Variants in ZNF451 observed in about 807,000 individuals in gnomAD.
ZNF451 encodes zinc finger protein 451.
ZNF451 carries 80 observed loss-of-function variants against 107.1 expected under a neutral mutation model. That is an observed-to-expected ratio of 0.75 (90% CI 0.62 to 0.90). ZNF451 has a LOEUF of 0.90. Among genes scored for constraint, ZNF451 ranks in the 40% least tolerant of loss-of-function variants. The pLI is 0.00. For missense variants in ZNF451, 1,107 were observed against 1,236.2 expected, an observed-to-expected ratio of 0.90 and a Z score of 1.57; for synonymous variants, 362 against 406.5, an observed-to-expected ratio of 0.89 and a Z score of 1.32.
At position 57,154,099 on chromosome 6, in the gene ZNF451, G is replaced by T. The variant is rs778131505; in HGVS notation, c.3070+52G>T. The T allele has an allele frequency of 1.4e-5, 22 of 1,590,426 alleles. No individual in the cohort carries two copies. The Admixed American group carries it at 2.0e-4, about 15-fold the overall frequency. The stretch of plus-strand genomic sequence containing the variant: ...CCACCCAAGAGGAGGAGACTTCACT[G>T]CTGAGAGAAACCAATAAACTGCTGT... On this transcript the variant is annotated intron_variant, in intron 13 of 14. Coordinates refer to ENST00000370706, the MANE Select transcript of ZNF451 (RefSeq NM_001031623.3).
At chr6:57,144,301 T>C (rs1308159409) in intron 9 of ZNF451, among the ~76,000 whole-genome samples, 2 of 145,738 alleles carry the variant, frequency 1.4e-5, no homozygotes, top group Non-Finnish European at 3.0e-5. Flanking sequence ...AGTGCAATGG[T>C]GCAATCTCGG....
intron 3 of ZNF451, 84 bp downstream of exon 3, chr6:57,099,225 G>A: frequency 1.8e-6 from 2 of 1,132,394 alleles, no homozygotes; most frequent in Non-Finnish European, 1.3e-6. Context: ...AATCAGGGAA[G>A]GCTGTGTTTA....
chr6:57,154,418 T>C, intron 13 of ZNF451: 2 of 361,454 alleles, frequency 5.5e-6, no homozygotes, highest in Non-Finnish European at 9.9e-6. Flanking sequence ...AGCAGTGCGC[T>C]TAGAGGTGAA....
In ZNF451 at chr6:57,141,947, G is replaced by C; in HGVS notation, c.857-1G>C. On this transcript the variant is annotated splice_acceptor_variant, in intron 8 of 14. Transcript: ENST00000370706. LOFTEE classifies it high-confidence loss of function. ...AAATTATAGTTTATTTTGTCTTTCAGATAACAAAGGAATTGCACATCCAAT... is the reference window on the plus strand; with the variant it reads ...AAATTATAGTTTATTTTGTCTTTCACATAACAAAGGAATTGCACATCCAAT... The C allele has an allele frequency of 6.2e-7, 1 of 1,612,020 alleles. No homozygotes were observed. Among genetic ancestry groups the C allele is most frequent in the Non-Finnish European group, 8.5e-7 (1 of 1,178,612 alleles).
intron 6 of ZNF451, among the ~76,000 whole-genome samples, chr6:57,133,787 A>G (rs906511600): frequency 3.3e-5 from 5 of 151,904 alleles, no homozygotes; most frequent in African/African-American, 7.3e-5. Flanking sequence ...CCATCCTCCC[A>G]TCTCAGCCTC....
intron 3 of ZNF451, chr6:57,102,755 A>G (rs1829666715): frequency 6.1e-6 from 6 of 985,470 alleles, no homozygotes; most frequent in African/African-American, 5.2e-5. Context: ...TAGATGTCGC[A>G]GGTCTATTAT....
intron 3 of ZNF451, among the ~76,000 whole-genome samples, chr6:57,111,411 C>T (rs1311050409): frequency 3.3e-5 from 5 of 150,174 alleles, no homozygotes; most frequent in African/African-American, 9.8e-5. Flanking sequence ...GACGGAGTCT[C>T]ACTCTGTCGC....
At chr6:57,107,793 G>A (rs1829935111) in intron 3 of ZNF451, 1 of 979,746 alleles carries the variant, frequency 1.0e-6, no homozygotes, top group Non-Finnish European at 1.2e-6. Context: ...GTATTCCTGA[G>A]TATATTCCTT....
At chr6:57,124,951 T>A (rs1255474669) in intron 4 of ZNF451, 92 bp downstream of exon 4, 3 of 860,896 alleles carry the variant, frequency 3.5e-6, no homozygotes, top group South Asian at 3.6e-5. Context: ...AGATATGATT[T>A]AATCAAAGCT....
intron 7 of ZNF451, among the ~76,000 whole-genome samples, chr6:57,140,500 G>A (rs1831698928): frequency 6.6e-6 from 1 of 152,098 alleles, no homozygotes; most frequent in South Asian, 2.1e-4. Context: ...AATTGGTAGA[G>A]CCTTTTTGAA....
intron 13 of ZNF451, chr6:57,158,442 C>G (rs190452297): frequency 2.2e-6 from 2 of 894,344 alleles, no homozygotes; most frequent in Admixed American, 1.2e-4. Context: ...CTGAATATAG[C>G]CAAGGAAAGC....
rs765144667 is a variant in ZNF451, at chr6:57,090,296, C to T, written c.21+22C>T. ...GGAGGTGAGTAGTCGAGTGAGGGTC[C>T]TGGCGTTCTCAGAGGCGAACCGCGA... On this transcript the variant is annotated intron_variant, in intron 1 of 14. Coordinates refer to ENST00000370706, the MANE Select transcript of ZNF451 (RefSeq NM_001031623.3). 1.1e-5 allele frequency: 17 copies of T among 1,610,018 alleles called. No individual in the cohort carries two copies. In the Admixed American group the frequency reaches 1.2e-4, roughly 11 times the overall value.
At chr6:57,114,863 GAAAA>G (rs1183607195) in intron 3 of ZNF451, 1 of 151,936 alleles carries the variant, frequency 6.6e-6, no homozygotes, top group Non-Finnish European at 1.5e-5. Context: ...ATGTAAAAAA[GAAAA>G]AACCCTCCAG....
intron 13 of ZNF451, chr6:57,158,639 C>G: frequency 1.0e-6 from 1 of 985,438 alleles, no homozygotes; most frequent in Non-Finnish European, 1.2e-6. Flanking sequence ...CTCTACCTTT[C>G]ACTTAATCGA....
chr6:57,104,260 A>G, intron 3 of ZNF451: 8 of 985,400 alleles, frequency 8.1e-6, no homozygotes, highest in Non-Finnish European at 9.6e-6. Context: ...GTATTGCACC[A>G]ATCAAGCAAT....
rs1271561853 is a variant in ZNF451 at position 57,141,284 on chromosome 6, C to A, written c.703-18C>A. 1.3e-6 allele frequency: 2 copies of A among 1,577,074 alleles called. No individual in the cohort carries two copies. Among genetic ancestry groups the A allele is most frequent in the Admixed American group, 1.8e-5 (1 of 56,374 alleles). Reference sequence around the variant, plus strand: ...TTTATTTTAGTTTTCCATAATACAGCTTTGTCTTATATTTTAGGAAGCCAC... The same window carrying A: ...TTTATTTTAGTTTTCCATAATACAGATTTGTCTTATATTTTAGGAAGCCAC... On this transcript the variant is annotated intron_variant, in intron 7 of 14. Transcript: ENST00000370706.
At chr6:57,102,827 T>C (rs754715138) in intron 3 of ZNF451, 10 of 985,444 alleles carry the variant, frequency 1.0e-5, no homozygotes, top group Non-Finnish European at 1.2e-5. Context: ...ACAGTAACTA[T>C]CTTCATCAAG....
At position 57,124,288 on chromosome 6, in the gene ZNF451, C is replaced by G. The variant is rs1344212480; in HGVS notation, c.187-446C>G. 12 of 620,648 alleles carry G rather than the reference C, an allele frequency of 1.9e-5. No individual in the cohort carries two copies. In the East Asian group the frequency reaches 3.0e-4, roughly 16 times the overall value. The allele number at this position is 620,648 out of a possible 1,614,324, so 38.4% of individuals were successfully genotyped here. ...GTGAGGGCCCCTCTATGGCTGGCTC[C>G]CCCTGGAGTTTTTAACTCTCAGGCT... On this transcript the variant is annotated intron_variant, in intron 3 of 14. Coordinates refer to ENST00000370706, the MANE Select transcript of ZNF451 (RefSeq NM_001031623.3).
In ZNF451 at chr6:57,101,614, C is replaced by T. The variant is rs956702875; in HGVS notation, c.186+2473C>T. On this transcript the variant is annotated intron_variant, in intron 3 of 14. Transcript: ENST00000370706. Reference sequence around the variant, plus strand: ...CATGGCCTATATGACTCAATATCAGCGTAAACTCTGGGAAGACATGGAAGA... The same window carrying T: ...CATGGCCTATATGACTCAATATCAGTGTAAACTCTGGGAAGACATGGAAGA... 8.4e-6 allele frequency: 13 copies of T among 1,550,666 alleles called. No homozygotes were observed. The Admixed American group carries it at 1.4e-4, about 16-fold the overall frequency.
Sources: allele counts gnomAD v4.1 joint callset (sites outside exome capture counted in the v4.1 genomes callset), GRCh38; gene constraint gnomAD v4.1.1; transcripts MANE v1.5; gene names NCBI Gene and HGNC (gene_info 2026-07-23, HGNC 2026-07-21).